The following JHY variants were observed in gnomAD, a reference collection of about 807,000 sequenced individuals.
The protein encoded by JHY is junctional cadherin complex regulator, also known as jhy protein homolog.
Under a neutral mutation model 78.0 loss-of-function variants are expected in JHY, and 69 were observed. That is an observed-to-expected ratio of 0.88 (90% CI 0.73 to 1.08). The LOEUF is 1.08. Among genes scored for constraint, JHY ranks in the 50% least tolerant of loss-of-function variants. The pLI is 0.00. For missense variants in JHY, 944 were observed against 927.8 expected (o/e 1.02, Z -0.23); for synonymous variants, 368 against 342.6 (o/e 1.07, Z -0.82).
Position 122,920,170 on chromosome 11 carries a change from A to G in JHY, c.865-4727A>G, listed in dbSNP as rs375521748. The stretch of plus-strand genomic sequence containing the variant: ...AGCAAGGTATATTAGAAATAGGGTA[A>G]AGAAATAAATACTTCAGCTCACTCC... On this transcript the variant is annotated intron_variant, in intron 3 of 8. Coordinates refer to ENST00000227349, the MANE Select transcript of JHY (RefSeq NM_024806.4). 1.8e-4 allele frequency among the ~76,000 whole-genome samples: 27 copies of G among 152,348 alleles called. No homozygotes were observed. The South Asian group carries it at 5.2e-3, about 29-fold the overall frequency.
chr11:122,931,393 T>G (rs1412383169), intron 4 of JHY, among the ~76,000 whole-genome samples: 1 of 152,214 alleles, frequency 6.6e-6, no homozygotes, highest in East Asian at 1.9e-4. Flanking sequence ...CAAATCCTGA[T>G]TAACCTTTCC....
rs1862941112 is a variant in JHY, at chr11:122,904,390, G to A, written c.810G>A (p.Thr270=). 6.8e-6 allele frequency: 11 copies of A among 1,613,978 alleles called. No individual in the cohort carries two copies. Among genetic ancestry groups the A allele is most frequent in the Middle Eastern group, 1.6e-4 (1 of 6,062 alleles). ...KLTLGLPTPK[T]DSYLQLHNKK... ...CTTTGGGATTACCCACCCCGAAAAC[G>A]GACTCTTATCTTCAACTTCACAATA... Residue 270 remains threonine, a synonymous_variant, in exon 3 of 9, where the codon ACG becomes ACA. Coordinates refer to ENST00000227349, the MANE Select transcript of JHY (RefSeq NM_024806.4).
chr11:122,934,826 C>G lies in JHY; in HGVS notation c.1385C>G (p.Ser462Cys). 1 of 1,614,120 alleles carries G rather than the reference C, an allele frequency of 6.2e-7. No homozygotes were observed. The highest frequency in any genetic ancestry group is 8.5e-7 in the Non-Finnish European group (1 of 1,180,034). Residue 462 changes from serine (S) to cysteine (C), a missense_variant, in exon 5 of 9, where the codon TCT becomes TGT. Physicochemically the swap from Ser to Cys is moderately radical, Grantham distance 112 (BLOSUM62 -1). Transcript: ENST00000227349. ...TCTAAAAACTCTACTGGATGTGACT[C>G]TGGGCTGAATGTTAATAAAGAAAGA... ...VLSKNSTGCD[S>C]GLNVNKERGH...
At chr11:122,911,014 G>A (rs1413435344) in intron 3 of JHY, among the ~76,000 whole-genome samples, 1 of 152,136 alleles carries the variant, frequency 6.6e-6, no homozygotes, top group Non-Finnish European at 1.5e-5. Flanking sequence ...TAACTTTGCT[G>A]GTGAATAATC....
rs769503477 is a variant in JHY at position 122,962,219 on chromosome 11, G to T, written c.*2774G>T. ...ATATTAGATGGACATTACATTTTTA[G>T]ATAGGCATATCCAGAAGTGGATAAT... On this transcript the variant is annotated 3_prime_UTR_variant, in exon 9 of 9. Coordinates refer to ENST00000227349, the MANE Select transcript of JHY (RefSeq NM_024806.4). 2.6e-5 allele frequency among the ~76,000 whole-genome samples: 4 copies of T among 152,124 alleles called. No homozygotes were observed. The highest frequency in any genetic ancestry group is 4.4e-5 in the Non-Finnish European group (3 of 68,024).
intron 3 of JHY, chr11:122,905,031 C>A: frequency 1.5e-6 from 1 of 683,634 alleles, no homozygotes. Context: ...TTTTTTTTTT[C>A]AATCTTCAGA....
intron 4 of JHY, among the ~76,000 whole-genome samples, chr11:122,933,385 C>A (rs1029937862): frequency 6.6e-6 from 1 of 152,190 alleles, no homozygotes; most frequent in African/African-American, 2.4e-5. Context: ...AGCATTTAAT[C>A]ATTCTTTGCA....
chr11:122,894,337 A>G (rs1224002813), intron 2 of JHY, among the ~76,000 whole-genome samples: 1 of 151,908 alleles, frequency 6.6e-6, no homozygotes, highest in Non-Finnish European at 1.5e-5. Flanking sequence ...GCAAACAAAA[A>G]CAAAAACAAA....
intron 1 of JHY, among the ~76,000 whole-genome samples, chr11:122,885,298 T>A (rs1862472224): frequency 6.6e-6 from 1 of 152,152 alleles, no homozygotes; most frequent in Non-Finnish European, 1.5e-5. Context: ...AAAACTACAC[T>A]CTTCTTTCTT....
intron 6 of JHY, among the ~76,000 whole-genome samples, chr11:122,951,027 T>C (rs554286727): frequency 2.0e-5 from 3 of 152,326 alleles, no homozygotes; most frequent in South Asian, 4.1e-4. Context: ...GACTTAGAAA[T>C]GAGCTATTTG....
intron 5 of JHY, among the ~76,000 whole-genome samples, chr11:122,938,978 T>C (rs1187279153): frequency 1.3e-5 from 2 of 148,562 alleles, no homozygotes; most frequent in African/African-American, 4.9e-5. Flanking sequence ...GAGATCCGCC[T>C]GCTTCTTCTT....
intron 2 of JHY, among the ~76,000 whole-genome samples, chr11:122,897,201 G>A (rs1355211427): frequency 6.6e-6 from 1 of 151,988 alleles, no homozygotes; most frequent in African/African-American, 2.4e-5. Flanking sequence ...AACACGATGA[G>A]GTAGGTACTA....
intron 3 of JHY, among the ~76,000 whole-genome samples, chr11:122,911,905 CAAAAAAAAAAAAAAAAAAAA>C (rs59941995): frequency 1.4e-4 from 7 of 49,722 alleles, no homozygotes; most frequent in Non-Finnish European, 1.7e-4. Flanking sequence ...AACTCTGTCT[CAAAAAAAAAAAAAAAAAAAA>C]AAAAAAAAAA....
intron 3 of JHY, among the ~76,000 whole-genome samples, chr11:122,923,577 G>T (rs1863421824): frequency 1.3e-5 from 2 of 152,174 alleles, no homozygotes; most frequent in South Asian, 2.1e-4. Context: ...ATTTAAAACA[G>T]GTAACTAATG....
At chr11:122,885,413 A>G (rs1305673292) in intron 1 of JHY, among the ~76,000 whole-genome samples, 2 of 152,222 alleles carry the variant, frequency 1.3e-5, no homozygotes, top group East Asian at 1.9e-4. Context: ...CATTTGAAAT[A>G]AGGCTATCAA....
intron 2 of JHY, among the ~76,000 whole-genome samples, chr11:122,889,562 T>C (rs1335569734): frequency 6.6e-6 from 1 of 152,170 alleles, no homozygotes; most frequent in Admixed American, 6.5e-5. Flanking sequence ...ATTACCCCAA[T>C]TTATAAAAGG....
At chr11:122,958,049 C>T (rs1354562260) in intron 8 of JHY, among the ~76,000 whole-genome samples, 2 of 152,134 alleles carry the variant, frequency 1.3e-5, no homozygotes, top group Non-Finnish European at 2.9e-5. Flanking sequence ...GACATATAAA[C>T]ACTGTTTCTC....
In JHY at chr11:122,917,483, G is replaced by C. The variant is rs1484067976; in HGVS notation, c.865-7414G>C. On this transcript the variant is annotated intron_variant, in intron 3 of 8. Transcript: ENST00000227349. The surrounding 1 kb of genome is among the most constrained non-coding windows in gnomAD (Gnocchi z 4.1). ...GACCAGGAGCATCATCATCACCTGG[G>C]AACTTAACACAAGTGGAAATTCTTG... 6.6e-6 allele frequency among the ~76,000 whole-genome samples: 1 copy of C among 152,202 alleles called. No individual in the cohort carries two copies. The highest frequency in any genetic ancestry group is 2.4e-5 in the African/African-American group (1 of 41,454).
At chr11:122,921,903 G>A (rs1313010549) in intron 3 of JHY, among the ~76,000 whole-genome samples, 5 of 152,096 alleles carry the variant, frequency 3.3e-5, no homozygotes, top group Admixed American at 2.6e-4. Context: ...AGAACCGCTC[G>A]AGCCCAGGAG....
Sources: gnomAD v4.1 joint callset for allele counts (sites outside exome capture counted in the v4.1 genomes callset) on GRCh38, gnomAD v4.1.1 for gene constraint, Gnocchi (gnomAD v3.1) non-coding constraint, MANE v1.5 for transcripts, NCBI Gene and HGNC (gene_info 2026-07-23, HGNC 2026-07-21) for gene names.